The following CSMD1 variants were observed in gnomAD, a reference collection of about 807,000 sequenced individuals.
The protein encoded by CSMD1 is CUB and Sushi multiple domains 1, also known as CUB and sushi domain-containing protein 1.
CSMD1 carries 213 observed loss-of-function variants against 417.5 expected under a neutral mutation model. That is an observed-to-expected ratio of 0.51 (90% confidence interval 0.46 to 0.57). The LOEUF (loss-of-function observed/expected upper bound fraction) is 0.57. Ranked by LOEUF, CSMD1 falls within the 20% of genes least tolerant of loss-of-function variation. CSMD1 has a pLI of 0.00. For missense variants in CSMD1, 6,923 were observed against 4,529.7 expected (o/e 1.53, Z -15.17); for synonymous variants, 2,862 against 1,736.8 (o/e 1.65, Z -16.11).
At position 3,708,417 on chromosome 8, in the gene CSMD1, C is replaced by T; in HGVS notation, c.1006G>A (p.Val336Ile). The T allele has an allele frequency of 6.2e-7, 1 of 1,613,656 alleles. No homozygotes were observed. The highest frequency in any genetic ancestry group is 1.3e-5 in the African/African-American group (1 of 75,018). The change falls in exon 7 of 70, where the codon GTC (valine) becomes ATC (isoleucine). Residue 336 changes from valine to isoleucine, a missense_variant. Coordinates refer to ENST00000635120, the MANE Select transcript of CSMD1 (RefSeq NM_033225.6). ...PSKDGSHKNS[V>I]LSQGGVALVS... ...GATAGAAAGGAAAGGGACTCACAGA[C>T]AGAGTTTTTATGGCTTCCATCCTTG...
chr8:3,215,727 T>C (rs916486529), intron 29 of CSMD1, among the ~76,000 whole-genome samples: 2 of 152,182 alleles, frequency 1.3e-5, no homozygotes, highest in African/African-American at 4.8e-5. Flanking sequence ...AAAATATCTC[T>C]AAATGAAAAA....
intron 2 of CSMD1, among the ~76,000 whole-genome samples, chr8:4,584,311 C>T (rs910381199): frequency 1.5e-4 from 23 of 151,518 alleles, no homozygotes; most frequent in Non-Finnish European, 2.8e-4. Context: ...GTGAGACCGT[C>T]GCCTATCGCC....
chr8:4,805,428 G>C (rs1216324194), intron 1 of CSMD1, among the ~76,000 whole-genome samples: 2 of 152,068 alleles, frequency 1.3e-5, no homozygotes, highest in African/African-American at 4.8e-5. Flanking sequence ...CCGAGTCCTT[G>C]CCTACTACAG....
At chr8:2,943,248 G>C (rs1477204198) in intron 68 of CSMD1, among the ~76,000 whole-genome samples, 1 of 146,972 alleles carries the variant, frequency 6.8e-6, no homozygotes, top group Non-Finnish European at 1.5e-5. Flanking sequence ...TTTTTTCTGA[G>C]ACAGAGTCTC....
chr8:4,227,023 G>T (rs925617220), intron 3 of CSMD1, among the ~76,000 whole-genome samples: 2 of 152,122 alleles, frequency 1.3e-5, no homozygotes, highest in African/African-American at 2.4e-5. Context: ...ATCTCTGCAG[G>T]TGAGATGGGT....
At chr8:4,054,172 G>C (rs1798574861) in intron 3 of CSMD1, among the ~76,000 whole-genome samples, 1 of 152,142 alleles carries the variant, frequency 6.6e-6, no homozygotes, top group African/African-American at 2.4e-5. Context: ...CCACCATCAA[G>C]ATTTCACAGA....
chr8:3,778,661 G>T (rs1007089972), intron 5 of CSMD1, among the ~76,000 whole-genome samples: 2 of 152,172 alleles, frequency 1.3e-5, no homozygotes, highest in Non-Finnish European at 2.9e-5. Context: ...GGTTGTTTCT[G>T]GACCAGAGCT....
At chr8:4,737,538 G>C (rs139361419) in intron 1 of CSMD1, among the ~76,000 whole-genome samples, 2 of 152,056 alleles carry the variant, frequency 1.3e-5, no homozygotes, top group African/African-American at 4.8e-5. Flanking sequence ...ACACATGATT[G>C]ATGATTTCCC....
chr8:3,924,160 A>G (rs1809476735), intron 5 of CSMD1, among the ~76,000 whole-genome samples: 1 of 152,190 alleles, frequency 6.6e-6, no homozygotes, highest in African/African-American at 2.4e-5. Flanking sequence ...TTCTCTGAGT[A>G]TAGCATTCTT....
At chr8:4,128,014 G>A (rs149012441) in intron 3 of CSMD1, among the ~76,000 whole-genome samples, 233 of 152,276 alleles carry the variant, frequency 1.5e-3, no homozygotes, top group Non-Finnish European at 2.6e-3. Context: ...ACTTGAGCAA[G>A]TACCACATTT....
intron 5 of CSMD1, among the ~76,000 whole-genome samples, chr8:3,846,126 T>C (rs1378202902): frequency 6.6e-6 from 1 of 152,172 alleles, no homozygotes; most frequent in Non-Finnish European, 1.5e-5. Context: ...TATAAACCAG[T>C]ACCATGGTTG....
chr8:3,780,336 T>C (rs530586529), intron 5 of CSMD1, among the ~76,000 whole-genome samples: 27 of 152,314 alleles, frequency 1.8e-4, no homozygotes, highest in Non-Finnish European at 3.1e-4. Flanking sequence ...AGTTGTTCGT[T>C]AGAATAGAAT....
intron 1 of CSMD1, among the ~76,000 whole-genome samples, chr8:4,970,649 T>C (rs1810182919): frequency 6.6e-6 from 1 of 152,098 alleles, no homozygotes. Flanking sequence ...AAACACATCA[T>C]AAAAACACTT....
intron 3 of CSMD1, among the ~76,000 whole-genome samples, chr8:4,286,982 C>T (rs927837462): frequency 3.3e-5 from 5 of 152,052 alleles, no homozygotes; most frequent in Admixed American, 1.3e-4. Flanking sequence ...CTGACATCCA[C>T]GCCAAGTAAA....
At chr8:4,358,427 A>G (rs1801558150) in intron 3 of CSMD1, among the ~76,000 whole-genome samples, 1 of 152,206 alleles carries the variant, frequency 6.6e-6, no homozygotes, top group African/African-American at 2.4e-5. Flanking sequence ...ATGAAATTCA[A>G]ATTTCAGTGT....
At chr8:4,398,466 T>G (rs1190767232) in intron 3 of CSMD1, among the ~76,000 whole-genome samples, 1 of 141,648 alleles carries the variant, frequency 7.1e-6, no homozygotes, top group Admixed American at 7.8e-5. Context: ...CGATCTCGGC[T>G]CACTGCAACC....
At chr8:3,421,112 T>C (rs532845055) in intron 12 of CSMD1, among the ~76,000 whole-genome samples, 12 of 152,208 alleles carry the variant, frequency 7.9e-5, no homozygotes, top group Admixed American at 3.3e-4. Flanking sequence ...ATTTTCAGTA[T>C]GAAAAAATGA....
Position 4,110,059 on chromosome 8 carries a change from C to A in CSMD1, c.416-77960G>T, listed in dbSNP as rs957277546. The stretch of plus-strand genomic sequence containing the variant: ...CCCAGGCTAGACTGAAACTTGAAGT[C>A]ACCCAATGATCACGTGGAATAATAA... On this transcript the variant is annotated intron_variant, in intron 3 of 69. Transcript: ENST00000635120. Among the ~76,000 whole-genome samples the A allele has an allele frequency of 1.1e-4, 16 of 152,254 alleles. No homozygotes were observed. In the South Asian group the frequency reaches 1.7e-3, roughly 16 times the overall value.
intron 34 of CSMD1, 68 bp downstream of exon 34, chr8:3,189,844 A>G (rs984971207): frequency 2.2e-6 from 3 of 1,384,808 alleles, no homozygotes; most frequent in Non-Finnish European, 3.0e-6. Flanking sequence ...CTGGATAGAA[A>G]CATGAGAAGT....
Sources: gnomAD v4.1 joint callset for allele counts (sites outside exome capture counted in the v4.1 genomes callset) on GRCh38, gnomAD v4.1.1 for gene constraint, MANE v1.5 for transcripts, NCBI Gene and HGNC (gene_info 2026-07-23, HGNC 2026-07-21) for gene names.